C10orf88: variants seen among roughly 807,000 people sequenced by gnomAD.
C10orf88 encodes the protein ATPase PAAT.
In C10orf88, 29 loss-of-function variants were observed where a neutral mutation model predicts 34.2. The observed-to-expected ratio is 0.85, with a 90% CI of 0.63 to 1.16. The LOEUF (loss-of-function observed/expected upper bound fraction) is 1.16, where lower values mean the gene tolerates loss of function less well. Ranked by LOEUF, C10orf88 falls within the 50% of genes most tolerant of loss-of-function variation. The probability of loss-of-function intolerance (pLI) is 0.00; values close to 1 mark genes in which losing one functional copy is unlikely to be tolerated. For synonymous variants in C10orf88, 194 were observed against 197.4 expected (o/e 0.98, Z 0.15); for missense variants, 507 against 533.2 (o/e 0.95, Z 0.48).
intron 5 of C10orf88, among the ~76,000 whole-genome samples, chr10:122,934,932 T>TGCTTATTTGCTA (rs1406468798): frequency 6.6e-6 from 1 of 152,140 alleles, no homozygotes; most frequent in African/African-American, 2.4e-5. Flanking sequence ...ACTTTCCTTG[T>TGCTTATTTGCTA]GCTTATTTGC....
At chr10:122,944,888 T>C (rs1237541332) in intron 4 of C10orf88, among the ~76,000 whole-genome samples, 1 of 151,414 alleles carries the variant, frequency 6.6e-6, no homozygotes, top group African/African-American at 2.4e-5. Flanking sequence ...ACCCAGTTAC[T>C]ACCTAATCCC....
At chr10:122,949,540 C>T (rs1848671066) in intron 3 of C10orf88, among the ~76,000 whole-genome samples, 1 of 152,178 alleles carries the variant, frequency 6.6e-6, no homozygotes, top group South Asian at 2.1e-4. Flanking sequence ...CAGGGACATA[C>T]TAGACAAAAG....
At chr10:122,943,171 C>G (rs1293024331) in intron 4 of C10orf88, among the ~76,000 whole-genome samples, 1 of 145,670 alleles carries the variant, frequency 6.9e-6, no homozygotes, top group Non-Finnish European at 1.5e-5. Flanking sequence ...GGTACCAAAA[C>G]AGAGATATAG....
In C10orf88 at chr10:122,932,671, C is replaced by T; in HGVS notation, c.1104-10G>A. 1 of 1,554,460 alleles carries T rather than the reference C, an allele frequency of 6.4e-7. No individual in the cohort carries two copies. The highest frequency in any genetic ancestry group is 8.8e-7 in the Non-Finnish European group (1 of 1,142,234). On this transcript the variant is annotated splice_polypyrimidine_tract_variant and intron_variant, in intron 5 of 5. Coordinates refer to ENST00000481909, the MANE Select transcript of C10orf88 (RefSeq NM_024942.4). The stretch of plus-strand genomic sequence containing the variant: ...AGATTGCTCTTCCATTCTAAAAATA[C>T]ATTTTTAAAAATGTGTAAATTTTCC...
chr10:122,940,795 A>G (rs1848574423), intron 4 of C10orf88, among the ~76,000 whole-genome samples: 1 of 152,068 alleles, frequency 6.6e-6, no homozygotes, highest in Non-Finnish European at 1.5e-5. Context: ...AGGTAACTGC[A>G]TAATATTCAT....
chr10:122,949,597 G>A (rs1403043467), intron 3 of C10orf88, among the ~76,000 whole-genome samples: 5 of 152,158 alleles, frequency 3.3e-5, no homozygotes, highest in Non-Finnish European at 7.3e-5. Context: ...CAGGAGATTC[G>A]ATCACACTAC....
intron 4 of C10orf88, among the ~76,000 whole-genome samples, chr10:122,944,328 G>C (rs1448682054): frequency 7.2e-6 from 1 of 138,256 alleles, no homozygotes; most frequent in Non-Finnish European, 1.5e-5. Context: ...TGAACAATGA[G>C]AACACATGGA....
chr10:122,940,852 T>G (rs1294501529), intron 4 of C10orf88, among the ~76,000 whole-genome samples: 2 of 152,010 alleles, frequency 1.3e-5, no homozygotes, highest in African/African-American at 4.8e-5. Flanking sequence ...AAGTGAAAAA[T>G]GTTCCTGAGC....
chr10:122,942,524 G>C (rs942285796), intron 4 of C10orf88, among the ~76,000 whole-genome samples: 2 of 151,692 alleles, frequency 1.3e-5, no homozygotes, highest in Admixed American at 6.6e-5. Context: ...TTCTGGCCAG[G>C]GCAATTAGGC....
chr10:122,952,041 GAATT>G lies in C10orf88; in HGVS notation c.369-19_369-16del, dbSNP rs766929672. ...TTTCATGTTCACTAAAAATAAAAAA[GAATT>G]AATTTTTTTTACTTACATATATTGT... is the stretch of plus-strand genomic sequence containing the variant. On this transcript the variant is annotated splice_polypyrimidine_tract_variant and intron_variant, in intron 2 of 5. Coordinates refer to ENST00000481909, the MANE Select transcript of C10orf88 (RefSeq NM_024942.4). 42 of 1,306,044 alleles carry G rather than the reference GAATT, an allele frequency of 3.2e-5. No individual in the cohort carries two copies. The highest frequency in any genetic ancestry group is 3.6e-5 in the Non-Finnish European group (34 of 934,972). 80.9% of individuals were successfully genotyped at this position (1,306,044 alleles called of 1,614,324 possible).
chr10:122,934,227 T>C (rs1330898642), intron 5 of C10orf88, among the ~76,000 whole-genome samples: 1 of 152,200 alleles, frequency 6.6e-6, no homozygotes, highest in Non-Finnish European at 1.5e-5. Flanking sequence ...TATAGTTCTA[T>C]GCCATTTTAT....
intron 4 of C10orf88, among the ~76,000 whole-genome samples, chr10:122,940,785 AG>A (rs1203162981): frequency 6.6e-6 from 1 of 152,082 alleles, no homozygotes; most frequent in Admixed American, 6.6e-5. Flanking sequence ...ATCCATGAAT[AG>A]GTAACTGCAT....
Position 122,937,698 on chromosome 10 carries a change from T to C in C10orf88, c.1103+7A>G, listed in dbSNP as rs1169124624. 4 of 1,583,010 alleles carry C rather than the reference T, an allele frequency of 2.5e-6. No individual in the cohort carries two copies. Among genetic ancestry groups the C allele is most frequent in the Non-Finnish European group, 3.4e-6 (4 of 1,163,766 alleles). On this transcript the variant is annotated splice_region_variant and intron_variant, in intron 5 of 5. Coordinates refer to ENST00000481909, the MANE Select transcript of C10orf88 (RefSeq NM_024942.4). Reference sequence around the variant, plus strand: ...TCGAAACTCGTATGTCTTAAAATAATACTTACCCAACACCAAGAATGCGTT... The same window carrying C: ...TCGAAACTCGTATGTCTTAAAATAACACTTACCCAACACCAAGAATGCGTT...
intron 4 of C10orf88, among the ~76,000 whole-genome samples, chr10:122,940,945 A>T (rs186382128): frequency 6.6e-6 from 1 of 152,216 alleles, no homozygotes; most frequent in African/African-American, 2.4e-5. Context: ...GTATAACTAC[A>T]TATATTCTGT....
intron 4 of C10orf88, among the ~76,000 whole-genome samples, chr10:122,940,231 A>G (rs1420739687): frequency 1.3e-5 from 2 of 152,056 alleles, no homozygotes; most frequent in Admixed American, 6.6e-5. Context: ...AATACCATTC[A>G]GCCTTTGAGA....
intron 4 of C10orf88, among the ~76,000 whole-genome samples, chr10:122,938,543 G>A (rs1848555415): frequency 6.6e-6 from 1 of 151,946 alleles, no homozygotes; most frequent in Non-Finnish European, 1.5e-5. Context: ...TCTCAACTGA[G>A]TCACAAGAAC....
At chr10:122,949,451 T>C (rs1228553624) in intron 3 of C10orf88, among the ~76,000 whole-genome samples, 1 of 152,140 alleles carries the variant, frequency 6.6e-6, no homozygotes. Context: ...ACAGGCATTG[T>C]AATACAGGAT....
At chr10:122,934,085 T>G (rs1848511251) in intron 5 of C10orf88, among the ~76,000 whole-genome samples, 1 of 152,180 alleles carries the variant, frequency 6.6e-6, no homozygotes, top group Admixed American at 6.5e-5. Context: ...TTTGAAATAA[T>G]TATGGATTCA....
chr10:122,933,509 G>T (rs957214550), intron 5 of C10orf88: 1 of 152,058 alleles, frequency 6.6e-6, no homozygotes, highest in Non-Finnish European at 1.5e-5. Context: ...CAGAACCTTG[G>T]GGTCTCCATG....
Sources: gnomAD v4.1 joint callset for allele counts (sites outside exome capture counted in the v4.1 genomes callset) on GRCh38, gnomAD v4.1.1 for gene constraint, MANE v1.5 for transcripts, NCBI Gene and HGNC (gene_info 2026-07-23, HGNC 2026-07-21) for gene names.